Variants in PLEKHO2 observed in about 807,000 individuals in gnomAD.
PLEKHO2 encodes the protein pleckstrin homology domain containing O2.
In PLEKHO2, 20 loss-of-function variants were observed where a neutral mutation model predicts 32.7. The observed-to-expected ratio is 0.61, with a 90% confidence interval of 0.43 to 0.89. The LOEUF (loss-of-function observed/expected upper bound fraction) is 0.89. Ranked by LOEUF, PLEKHO2 falls within the 40% of genes least tolerant of loss-of-function variation. PLEKHO2 has a pLI of 0.00. For missense variants in PLEKHO2, 568 were observed against 621.2 expected (o/e 0.91, Z 0.91); for synonymous variants, 247 against 246.3 (o/e 1.00, Z -0.03).
At position 64,867,170 on chromosome 15, in the gene PLEKHO2, T is replaced by C. The variant is rs769411958; in HGVS notation, c.*1282T>C. 6.6e-6 allele frequency: 1 copy of C among 152,214 alleles called. No individual in the cohort carries two copies. The highest frequency in any genetic ancestry group is 1.5e-5 in the Non-Finnish European group (1 of 67,934). 9.4% of individuals were successfully genotyped at this position (152,214 alleles called of 1,614,324 possible). A position where few individuals can be genotyped will look rare whatever the true frequency, so the allele number is the denominator to read the frequency against. On this transcript the variant is annotated 3_prime_UTR_variant, in exon 6 of 6. Coordinates refer to ENST00000323544, the MANE Select transcript of PLEKHO2 (RefSeq NM_025201.5). ...CCTCTGGGGTGAGAGCAGCTTCCGA[T>C]AGGACCTGCCCAGATTTCTGCATGT...
rs1177855154 is a variant in PLEKHO2 at position 64,853,027 on chromosome 15, T to G, written c.163-1894T>G. On this transcript the variant is annotated intron_variant, in intron 2 of 5. Coordinates refer to ENST00000323544, the MANE Select transcript of PLEKHO2 (RefSeq NM_025201.5). Reference sequence around the variant, plus strand: ...GGTGGTAGGCACCTGTAATCCCAGCTACTCGGGGGGCTGAGGCCGGAGAAT... The same window carrying G: ...GGTGGTAGGCACCTGTAATCCCAGCGACTCGGGGGGCTGAGGCCGGAGAAT... Among the ~76,000 whole-genome samples the G allele has an allele frequency of 1.3e-4, 19 of 150,718 alleles. 1 individual carries two copies. The highest frequency in any genetic ancestry group is 1.1e-3 in the Admixed American group (17 of 15,118).
chr15:64,856,770 G>C (rs551766016), intron 3 of PLEKHO2, among the ~76,000 whole-genome samples: 5 of 152,266 alleles, frequency 3.3e-5, no homozygotes, highest in East Asian at 3.9e-4. Flanking sequence ...CACCCCAGGA[G>C]CTCACACAGA....
chr15:64,846,926 C>A (rs1391479978), intron 1 of PLEKHO2, among the ~76,000 whole-genome samples: 2 of 152,196 alleles, frequency 1.3e-5, no homozygotes, highest in Admixed American at 1.3e-4. Flanking sequence ...TGAACACTTA[C>A]TATGTGCCAG....
rs2084678038 is a variant in PLEKHO2 at position 64,865,614 on chromosome 15, G to A, written c.1199G>A (p.Arg400Gln). Residue 400 changes from arginine to glutamine, a missense_variant, in exon 6 of 6, where the codon CGG (arginine) becomes CAG (glutamine). Physicochemically the swap from Arg to Gln is conservative, Grantham distance 43. Coordinates refer to ENST00000323544, the MANE Select transcript of PLEKHO2 (RefSeq NM_025201.5). The stretch of plus-strand genomic sequence containing the variant: ...GGGGACTTGCTTGGGGAAGGCCCGC[G>A]GCATCCCTTGCAGCCCAGGGAACGG... The part of the protein sequence containing the change: ...SLGDLLGEGP[R>Q]HPLQPRERLY... 12 of 1,614,116 alleles carry A rather than the reference G, an allele frequency of 7.4e-6. No homozygotes were observed. Among genetic ancestry groups the A allele is most frequent in the East Asian group, 4.5e-5 (2 of 44,898 alleles).
At chr15:64,854,852 C>A in intron 2 of PLEKHO2, 69 bp from the exon 3 acceptor site, 1 of 1,213,776 alleles carries the variant, frequency 8.2e-7, no homozygotes, top group Non-Finnish European at 1.2e-6. Flanking sequence ...GGGTCTGGGA[C>A]ATGAGTAGTT....
In PLEKHO2 at chr15:64,865,651, C is replaced by T; in HGVS notation, c.1236C>T (p.Ala412=). The T allele has an allele frequency of 6.2e-7, 1 of 1,614,240 alleles. No individual in the cohort carries two copies. Among genetic ancestry groups the T allele is most frequent in the Non-Finnish European group, 8.5e-7 (1 of 1,180,042 alleles). Residue 412 remains alanine (A), a synonymous_variant, in exon 6 of 6, where the codon GCC becomes GCT. Coordinates refer to ENST00000323544, the MANE Select transcript of PLEKHO2 (RefSeq NM_025201.5). The stretch of plus-strand genomic sequence containing the variant: ...AGCCCAGGGAACGGCTATATCGGGC[C>T]CAGCTGGAGGTGAAGGTGGCCTCGG... ...PLQPRERLYR[A]QLEVKVASEQ...
chr15:64,859,539 A>C (rs1435294089), intron 3 of PLEKHO2, among the ~76,000 whole-genome samples: 1 of 152,166 alleles, frequency 6.6e-6, no homozygotes, highest in South Asian at 2.1e-4. Flanking sequence ...GAAAGGACTC[A>C]TGGGTGGTGT....
chr15:64,847,370 T>G (rs1292062142), intron 1 of PLEKHO2, among the ~76,000 whole-genome samples: 1 of 152,142 alleles, frequency 6.6e-6, no homozygotes, highest in Non-Finnish European at 1.5e-5. Flanking sequence ...TCAAAATTAG[T>G]CCATGCTAAT....
chr15:64,842,074 C>A, intron 1 of PLEKHO2, 46 bp downstream of exon 1: 1 of 1,231,894 alleles, frequency 8.1e-7, no homozygotes, highest in African/African-American at 1.6e-5. Context: ...TCCTCGAGCC[C>A]CTCACGGGGA....
chr15:64,843,938 A>G (rs779279998), intron 1 of PLEKHO2, among the ~76,000 whole-genome samples: 25 of 152,062 alleles, frequency 1.6e-4, no homozygotes, highest in Non-Finnish European at 3.4e-4. Context: ...TGGGCCATCT[A>G]AGTTCTTGTC....
chr15:64,866,116 C>A lies in PLEKHO2; in HGVS notation c.*228C>A. 1 of 621,434 alleles carries A rather than the reference C, an allele frequency of 1.6e-6. No homozygotes were observed. The allele number at this position is 621,434 out of a possible 1,614,324, so 38.5% of individuals were successfully genotyped here. On this transcript the variant is annotated 3_prime_UTR_variant, in exon 6 of 6. Coordinates refer to ENST00000323544, the MANE Select transcript of PLEKHO2 (RefSeq NM_025201.5). ...GCTACTGCCTGGCTATCTGGCCTGG[C>A]CTCTGGGCTGGGGCTGGGGCTGGGA...
At chr15:64,846,018 T>C (rs1196106358) in intron 1 of PLEKHO2, among the ~76,000 whole-genome samples, 1 of 152,214 alleles carries the variant, frequency 6.6e-6, no homozygotes, top group Non-Finnish European at 1.5e-5. Context: ...CTGGTGGTGC[T>C]GTCCTTGCTG....
At chr15:64,842,082 G>A in intron 1 of PLEKHO2, 54 bp downstream of exon 1, 2 of 1,228,364 alleles carry the variant, frequency 1.6e-6, no homozygotes, top group African/African-American at 1.6e-5. Context: ...CCCCTCACGG[G>A]GATTGCGGTC....
chr15:64,842,835 C>T (rs192174257), intron 1 of PLEKHO2, among the ~76,000 whole-genome samples: 4 of 152,336 alleles, frequency 2.6e-5, no homozygotes, highest in Admixed American at 2.0e-4. Context: ...TCAGTTCTGC[C>T]AGCAGCCGCT....
chr15:64,867,139 C>G lies in PLEKHO2; in HGVS notation c.*1251C>G, dbSNP rs1194196410. On this transcript the variant is annotated 3_prime_UTR_variant, in exon 6 of 6. Transcript: ENST00000323544. ...GGCTCCCGAGGTCCAGCCACTCTCC[C>G]TGGGGCCTCTGGGGTGAGAGCAGCT... 6.6e-6 allele frequency: 1 copy of G among 152,526 alleles called. No individual in the cohort carries two copies. Among genetic ancestry groups the G allele is most frequent in the Non-Finnish European group, 1.5e-5 (1 of 68,058 alleles). 9.4% of individuals were successfully genotyped at this position (152,526 alleles called of 1,614,324 possible).
Position 64,842,046 on chromosome 15 carries a change from CG to C in PLEKHO2, c.12+22del. On this transcript the variant is annotated intron_variant, in intron 1 of 5. Transcript: ENST00000323544. ...AGGAGGAGGTGAGGGCGGGGCCCGG[CG>C]GGGCGTTGGGCTGGGGTCCTCGAGC... 1 of 1,238,944 alleles carries C rather than the reference CG, an allele frequency of 8.1e-7. No homozygotes were observed. Among genetic ancestry groups the C allele is most frequent in the South Asian group, 3.6e-5 (1 of 27,674 alleles). 76.7% of individuals were successfully genotyped at this position (1,238,944 alleles called of 1,614,324 possible). A position where few individuals can be genotyped will look rare whatever the true frequency, so the allele number is the denominator to read the frequency against.
intron 3 of PLEKHO2, among the ~76,000 whole-genome samples, chr15:64,855,368 G>A (rs529719893): frequency 3.3e-4 from 51 of 152,302 alleles, no homozygotes; most frequent in Admixed American, 8.5e-4. Context: ...CCAGACCCTG[G>A]GGGAGGCCCA....
rs2084683398 is a variant in PLEKHO2, at chr15:64,865,963, G to A, written c.*75G>A. ...TCAAGGCCCAGCCCTGCTGAGAAAT[G>A]TGCTTCTGCTTCTACAGCAATGGCT... On this transcript the variant is annotated 3_prime_UTR_variant, in exon 6 of 6. Transcript: ENST00000323544. The A allele has an allele frequency of 1.3e-6, 2 of 1,504,704 alleles. No individual in the cohort carries two copies. The highest frequency in any genetic ancestry group is 4.6e-5 in the East Asian group (2 of 43,440). 93.2% of individuals were successfully genotyped at this position (1,504,704 alleles called of 1,614,324 possible). A position where few individuals can be genotyped will look rare whatever the true frequency, so the allele number is the denominator to read the frequency against.
At chr15:64,852,481 C>A (rs1390998962) in intron 2 of PLEKHO2, among the ~76,000 whole-genome samples, 1 of 152,172 alleles carries the variant, frequency 6.6e-6, no homozygotes, top group African/African-American at 2.4e-5. Context: ...GATATACAGT[C>A]ATCTGCTTTA....
Sources: gnomAD v4.1 joint callset for allele counts (sites outside exome capture counted in the v4.1 genomes callset) on GRCh38, gnomAD v4.1.1 for gene constraint, MANE v1.5 for transcripts, NCBI Gene and HGNC (gene_info 2026-07-23, HGNC 2026-07-21) for gene names.